Variants in SIPA1L1 observed in about 807,000 individuals in gnomAD.
SIPA1L1 encodes the protein signal induced proliferation associated 1 like 1.
In SIPA1L1, 26 loss-of-function variants were observed where a neutral mutation model predicts 162.7. That is an observed-to-expected ratio of 0.16 (90% CI 0.12 to 0.22). SIPA1L1 has a LOEUF of 0.22. SIPA1L1 is among the 10% of genes least tolerant of loss of function. The pLI, the probability that SIPA1L1 is intolerant of heterozygous loss-of-function variation, is 1.00. For missense variants in SIPA1L1, 1,874 were observed against 2,241.0 expected (o/e 0.84, Z 3.31); for synonymous variants, 829 against 837.4 (o/e 0.99, Z 0.17).
chr14:71,356,565 T>TAGAAAAAAAAAA (rs1394904078), intron 2 of SIPA1L1, among the ~76,000 whole-genome samples: 1 of 2,918 alleles, frequency 3.4e-4, no homozygotes, highest in Non-Finnish European at 8.0e-4. Flanking sequence ...ACCTTGTCTC[T>TAGAAAAAAAAAA]ACAAAAAAAA....
intron 2 of SIPA1L1, among the ~76,000 whole-genome samples, chr14:71,429,263 C>G (rs2043808721): frequency 6.6e-6 from 1 of 152,138 alleles, no homozygotes; most frequent in African/African-American, 2.4e-5. Context: ...TCCCCACTTC[C>G]CTCGTCCTGG....
intron 5 of SIPA1L1, among the ~76,000 whole-genome samples, chr14:71,617,333 T>C (rs1462818853): frequency 6.6e-6 from 1 of 152,238 alleles, no homozygotes; most frequent in East Asian, 1.9e-4. Context: ...ACCAAGCTTA[T>C]TAGAATTGTG....
At chr14:71,470,963 G>T (rs568114693) in intron 2 of SIPA1L1, among the ~76,000 whole-genome samples, 4 of 151,796 alleles carry the variant, frequency 2.6e-5, no homozygotes, top group Non-Finnish European at 4.4e-5. Flanking sequence ...TCAGCCTCCC[G>T]AGTAGCTGGG....
chr14:71,662,612 G>A lies in SIPA1L1; in HGVS notation c.2255+1145G>A, dbSNP rs1366442857. Among the ~76,000 whole-genome samples, 4 of 152,106 alleles carry A rather than the reference G, an allele frequency of 2.6e-5. No homozygotes were observed. The East Asian group carries it at 7.7e-4, about 29-fold the overall frequency. On this transcript the variant is annotated intron_variant, in intron 10 of 23. Transcript: ENST00000381232. ...AGTCTCTTAACCACGCTGCTATGCC[G>A]CCTCTCTTACATGCTGGGAAAGCTG...
intron 2 of SIPA1L1, among the ~76,000 whole-genome samples, chr14:71,485,078 G>A (rs1300315461): frequency 1.3e-5 from 2 of 152,124 alleles, no homozygotes; most frequent in Non-Finnish European, 2.9e-5. Context: ...TTGGAGGGTG[G>A]GAATAGAGAA....
chr14:71,515,130 A>T (rs755149725), intron 3 of SIPA1L1, among the ~76,000 whole-genome samples: 5 of 152,222 alleles, frequency 3.3e-5, no homozygotes, highest in African/African-American at 4.8e-5. Flanking sequence ...TATTGGCTAA[A>T]TTCCAAAAAT....
intron 7 of SIPA1L1, among the ~76,000 whole-genome samples, chr14:71,645,260 A>G (rs1596609301): frequency 6.6e-6 from 1 of 152,144 alleles, no homozygotes; most frequent in Admixed American, 6.5e-5. Context: ...TATTGGGCCC[A>G]TCTGGATAAT....
intron 19 of SIPA1L1, among the ~76,000 whole-genome samples, chr14:71,729,691 G>C (rs965355923): frequency 1.3e-5 from 2 of 152,150 alleles, no homozygotes; most frequent in Non-Finnish European, 2.9e-5. Context: ...GTACAAATGA[G>C]GAATTAGACT....
At chr14:71,402,635 C>T (rs1387679185) in intron 2 of SIPA1L1, among the ~76,000 whole-genome samples, 2 of 152,158 alleles carry the variant, frequency 1.3e-5, no homozygotes, top group Non-Finnish European at 2.9e-5. Context: ...AGGCATGAGT[C>T]ACTGTTCCTG....
intron 10 of SIPA1L1, 23 bp from the exon 11 acceptor site, chr14:71,671,096 T>G (rs201329115): frequency 1.3e-6 from 2 of 1,541,332 alleles, no homozygotes; most frequent in African/African-American, 2.8e-5. Context: ...CTGACGTGGC[T>G]CTCTTTGATC....
intron 2 of SIPA1L1, among the ~76,000 whole-genome samples, chr14:71,424,052 G>A (rs1487132115): frequency 2.6e-5 from 4 of 151,874 alleles, no homozygotes; most frequent in African/African-American, 4.8e-5. Context: ...CTTTTGATGC[G>A]TTTTTGTAAT....
At chr14:71,668,025 A>G (rs1242930215) in intron 10 of SIPA1L1, among the ~76,000 whole-genome samples, 1 of 152,094 alleles carries the variant, frequency 6.6e-6, no homozygotes, top group African/African-American at 2.4e-5. Flanking sequence ...AGATCGCGCC[A>G]CTGCACTCCA....
At chr14:71,393,969 TG>T (rs2040977976) in intron 2 of SIPA1L1, among the ~76,000 whole-genome samples, 1 of 152,248 alleles carries the variant, frequency 6.6e-6, no homozygotes, top group South Asian at 2.1e-4. Context: ...TAACAAGCAA[TG>T]AGAGGTAAAT....
chr14:71,654,926 T>C (rs1284166259), intron 8 of SIPA1L1, among the ~76,000 whole-genome samples: 1 of 152,148 alleles, frequency 6.6e-6, no homozygotes, highest in Non-Finnish European at 1.5e-5. Context: ...AATAAGAGCA[T>C]TGGATGCTTT....
chr14:71,728,823 A>G (rs2084478106), intron 19 of SIPA1L1, among the ~76,000 whole-genome samples: 1 of 152,200 alleles, frequency 6.6e-6, no homozygotes, highest in Admixed American at 6.5e-5. Flanking sequence ...TTTATTGTTC[A>G]CGGGTCAAAT....
intron 2 of SIPA1L1, among the ~76,000 whole-genome samples, chr14:71,366,214 T>C (rs1344643604): frequency 6.6e-6 from 1 of 152,160 alleles, no homozygotes; most frequent in Non-Finnish European, 1.5e-5. Flanking sequence ...GTTTGACTTA[T>C]CATGAAGTCT....
intron 2 of SIPA1L1, among the ~76,000 whole-genome samples, chr14:71,489,505 G>A (rs1418756733): frequency 6.6e-6 from 1 of 152,094 alleles, no homozygotes; most frequent in African/African-American, 2.4e-5. Flanking sequence ...AAATTTAACA[G>A]GTTAATTTTA....
intron 12 of SIPA1L1, among the ~76,000 whole-genome samples, chr14:71,684,739 G>C (rs1361914247): frequency 6.6e-6 from 1 of 151,900 alleles, no homozygotes; most frequent in Non-Finnish European, 1.5e-5. Context: ...TTGGAGCCCA[G>C]TCAAGATGTG....
At chr14:71,394,832 G>T (rs183119029) in intron 2 of SIPA1L1, among the ~76,000 whole-genome samples, 35 of 152,286 alleles carry the variant, frequency 2.3e-4, no homozygotes, top group African/African-American at 7.9e-4. Context: ...GTAAGGAGAA[G>T]GATAGTTAAA....
Sources: allele counts gnomAD v4.1 joint callset (sites outside exome capture counted in the v4.1 genomes callset), GRCh38; gene constraint gnomAD v4.1.1; transcripts MANE v1.5; gene names NCBI Gene and HGNC (gene_info 2026-07-23, HGNC 2026-07-21).